MYT1L: variants seen among roughly 807,000 people sequenced by gnomAD.
MYT1L encodes the protein myelin transcription factor 1 like.
Under a neutral mutation model 126.7 loss-of-function variants are expected in MYT1L, and 12 were observed. That is an observed-to-expected ratio of 0.09 (90% CI 0.06 to 0.15). The LOEUF is 0.15. Ranked by LOEUF, MYT1L falls within the 10% of genes least tolerant of loss-of-function variation. MYT1L has a pLI of 1.00. For synonymous variants in MYT1L, 541 were observed against 604.2 expected (o/e 0.90, Z 1.53); for missense variants, 979 against 1,585.2 (o/e 0.62, Z 6.49).
chr2:1,933,063 C>CTCACACTGTCCTCA (rs2055241305), intron 9 of MYT1L, among the ~76,000 whole-genome samples: 1 of 152,096 alleles, frequency 6.6e-6, no homozygotes, highest in African/African-American at 2.4e-5. Context: ...CTCTTCACAC[C>CTCACACTGTCCTCA]TCACACTGTT....
At chr2:2,008,307 G>A (rs1051570366) in intron 4 of MYT1L, among the ~76,000 whole-genome samples, 2 of 152,206 alleles carry the variant, frequency 1.3e-5, no homozygotes, top group African/African-American at 4.8e-5. Flanking sequence ...TGCCACGGGC[G>A]TGGCCAGCCT....
chr2:2,156,432 G>A (rs922176579), intron 3 of MYT1L, among the ~76,000 whole-genome samples: 15 of 152,240 alleles, frequency 9.9e-5, no homozygotes, highest in African/African-American at 3.6e-4. Context: ...GCTGCCAGCT[G>A]TATCCTCGCA....
At chr2:1,983,035 A>G (rs922230101) in intron 5 of MYT1L, among the ~76,000 whole-genome samples, 3 of 152,184 alleles carry the variant, frequency 2.0e-5, no homozygotes, top group African/African-American at 4.8e-5. Flanking sequence ...ATAGGGGCAA[A>G]CTTATTTTTT....
chr2:2,042,080 T>G (rs2067618588), intron 4 of MYT1L, among the ~76,000 whole-genome samples: 1 of 152,140 alleles, frequency 6.6e-6, no homozygotes, highest in South Asian at 2.1e-4. Context: ...AGACATTCAG[T>G]GGCAAGGGAA....
chr2:2,203,695 T>C (rs149124001), intron 2 of MYT1L, among the ~76,000 whole-genome samples: 22,885 of 151,856 alleles, frequency 0.15, 1,721 homozygotes, highest in African/African-American at 0.18. Context: ...CCAAGGTAAT[T>C]TATAGATTCA....
chr2:1,891,352 G>A (rs951578027), intron 15 of MYT1L, among the ~76,000 whole-genome samples: 11 of 152,324 alleles, frequency 7.2e-5, no homozygotes, highest in Non-Finnish European at 1.5e-4. Flanking sequence ...GGCACCGCCT[G>A]GTTCTCCCCA....
chr2:2,009,956 G>A (rs935389919), intron 4 of MYT1L, among the ~76,000 whole-genome samples: 1 of 124,668 alleles, frequency 8.0e-6, no homozygotes, highest in East Asian at 2.3e-4. Flanking sequence ...AGCTTTTTCT[G>A]TGTCAGTTGA....
At chr2:1,907,158 T>C (rs1573452765) in intron 13 of MYT1L, among the ~76,000 whole-genome samples, 1 of 148,106 alleles carries the variant, frequency 6.8e-6, no homozygotes, top group South Asian at 2.1e-4. Context: ...AGACCATGGG[T>C]GATGTGATCA....
chr2:2,131,193 C>G (rs1278536771), intron 3 of MYT1L, among the ~76,000 whole-genome samples: 1 of 152,182 alleles, frequency 6.6e-6, no homozygotes, highest in East Asian at 1.9e-4. Context: ...GTACACAGAG[C>G]TCACCTCGTG....
intron 1 of MYT1L, among the ~76,000 whole-genome samples, chr2:2,293,772 C>T (rs1403498203): frequency 1.3e-5 from 2 of 152,188 alleles, no homozygotes; most frequent in Non-Finnish European, 1.5e-5. Context: ...CCCCTCCCTC[C>T]TCCCGGCTCC....
intron 8 of MYT1L, among the ~76,000 whole-genome samples, chr2:1,965,348 G>A (rs1283393948): frequency 2.0e-5 from 3 of 150,558 alleles, no homozygotes; most frequent in East Asian, 3.9e-4. Flanking sequence ...GACCAGGCAG[G>A]GAAGAGGAGG....
intron 3 of MYT1L, among the ~76,000 whole-genome samples, chr2:2,103,423 A>G (rs988030693): frequency 1.4e-4 from 21 of 152,202 alleles, no homozygotes; most frequent in African/African-American, 4.8e-4. Flanking sequence ...CTCTTCTCTA[A>G]ATACAGAATC....
chr2:1,819,600 C>T (rs571930698), intron 21 of MYT1L, among the ~76,000 whole-genome samples: 2 of 152,322 alleles, frequency 1.3e-5, no homozygotes, highest in East Asian at 1.9e-4. Flanking sequence ...ATGCTACACT[C>T]GGGCCCTGCC....
chr2:1,900,298 G>C (rs2050159105), intron 14 of MYT1L, among the ~76,000 whole-genome samples: 1 of 151,318 alleles, frequency 6.6e-6, no homozygotes, highest in South Asian at 2.1e-4. Flanking sequence ...CACTTTCCAG[G>C]AGGCTTTTTT....
intron 1 of MYT1L, chr2:2,325,852 C>T (rs2096240602): frequency 6.6e-6 from 1 of 152,258 alleles, no homozygotes; most frequent in African/African-American, 2.4e-5. Context: ...CGCGTTCACA[C>T]GCCTAACCAA....
chr2:1,883,214 C>T (rs531494550), intron 18 of MYT1L, among the ~76,000 whole-genome samples: 16 of 152,216 alleles, frequency 1.1e-4, no homozygotes, highest in African/African-American at 3.6e-4. Context: ...TTTGGCCAAC[C>T]GAAGCATCAA....
chr2:1,879,643 A>T (rs751949505), intron 18 of MYT1L, among the ~76,000 whole-genome samples: 61 of 152,278 alleles, frequency 4.0e-4, no homozygotes, highest in Admixed American at 7.8e-4. Context: ...ATATATATTT[A>T]TAGTTTAGTA....
At chr2:2,083,760 A>C (rs922157334) in intron 3 of MYT1L, among the ~76,000 whole-genome samples, 2 of 152,188 alleles carry the variant, frequency 1.3e-5, no homozygotes, top group Non-Finnish European at 2.9e-5. Context: ...GGGGAGGGAG[A>C]CCACTCCATC....
chr2:2,135,806 C>T (rs757909592), intron 3 of MYT1L, among the ~76,000 whole-genome samples: 24 of 152,114 alleles, frequency 1.6e-4, no homozygotes, highest in African/African-American at 4.1e-4. Flanking sequence ...AAGAGGAATG[C>T]GCTGTCTTTC....
Sources: gnomAD v4.1 joint callset for allele counts (sites outside exome capture counted in the v4.1 genomes callset) on GRCh38, gnomAD v4.1.1 for gene constraint, MANE v1.5 for transcripts, NCBI Gene and HGNC (gene_info 2026-07-23, HGNC 2026-07-21) for gene names.